Variants in SDK1 observed in about 807,000 individuals in gnomAD.
SDK1 encodes the protein protein sidekick-1.
Under a neutral mutation model 245.5 loss-of-function variants are expected in SDK1, and 157 were observed. The observed-to-expected ratio is 0.64, with a 90% CI of 0.56 to 0.73. SDK1 has a LOEUF of 0.73. Among genes scored for constraint, SDK1 ranks in the 30% least tolerant of loss-of-function variants. The pLI is 0.00. For missense variants in SDK1, 3,583 were observed against 3,002.3 expected (o/e 1.19, Z -4.52); for synonymous variants, 1,647 against 1,278.5 (o/e 1.29, Z -6.15).
intron 3 of SDK1, among the ~76,000 whole-genome samples, chr7:3,639,646 T>C (rs911312449): frequency 6.6e-5 from 10 of 152,184 alleles, no homozygotes; most frequent in African/African-American, 1.9e-4. Flanking sequence ...AAAGGAGATA[T>C]CAAGAATGCA....
At chr7:3,461,643 G>T (rs534549158) in intron 1 of SDK1, among the ~76,000 whole-genome samples, 10 of 152,152 alleles carry the variant, frequency 6.6e-5, no homozygotes, top group African/African-American at 2.2e-4. Context: ...TTCCTTTTCA[G>T]ATCAAAACTT....
intron 1 of SDK1, among the ~76,000 whole-genome samples, chr7:3,531,967 A>G (rs1783362322): frequency 6.6e-6 from 1 of 152,228 alleles, no homozygotes; most frequent in South Asian, 2.1e-4. Flanking sequence ...ATTTTCCAGA[A>G]TAAGATGGAA....
At chr7:3,892,000 A>C (rs1188970359) in intron 5 of SDK1, among the ~76,000 whole-genome samples, 1 of 152,054 alleles carries the variant, frequency 6.6e-6, no homozygotes, top group African/African-American at 2.4e-5. Flanking sequence ...AAACAAGTTT[A>C]GTTAGGCCAA....
intron 1 of SDK1, among the ~76,000 whole-genome samples, chr7:3,439,451 G>C (rs547739623): frequency 6.6e-6 from 1 of 152,060 alleles, no homozygotes; most frequent in African/African-American, 2.4e-5. Context: ...AGATTGTTTC[G>C]GGTTTGGTCA....
intron 1 of SDK1, among the ~76,000 whole-genome samples, chr7:3,332,157 G>T (rs1010390807): frequency 7.2e-5 from 11 of 152,098 alleles, no homozygotes; most frequent in African/African-American, 2.7e-4. Flanking sequence ...TGAGATGTTT[G>T]GAGATTTAAA....
intron 1 of SDK1, among the ~76,000 whole-genome samples, chr7:3,450,848 G>T (rs765146595): frequency 2.0e-5 from 3 of 152,150 alleles, no homozygotes; most frequent in Non-Finnish European, 4.4e-5. Context: ...TAAGATGTAG[G>T]CAAAGGATCA....
intron 1 of SDK1, among the ~76,000 whole-genome samples, chr7:3,613,450 C>T (rs1781668771): frequency 6.6e-6 from 1 of 152,186 alleles, no homozygotes; most frequent in Non-Finnish European, 1.5e-5. Flanking sequence ...TTCTCCACAA[C>T]CTCTCCAGCA....
intron 43 of SDK1, 80 bp downstream of exon 43, chr7:4,241,993 C>A: frequency 2.0e-6 from 3 of 1,514,434 alleles, no homozygotes; most frequent in Non-Finnish European, 2.7e-6. Flanking sequence ...CCCACTGGCA[C>A]CTCCTGCATC....
chr7:3,772,505 G>A (rs1360738362), intron 4 of SDK1, among the ~76,000 whole-genome samples: 1 of 152,096 alleles, frequency 6.6e-6, no homozygotes, highest in African/African-American at 2.4e-5. Context: ...ATCAAAATGT[G>A]GGGTTAAAAA....
chr7:4,148,400 T>C (rs1584294550), intron 29 of SDK1, among the ~76,000 whole-genome samples: 1 of 152,228 alleles, frequency 6.6e-6, no homozygotes, highest in South Asian at 2.1e-4. Context: ...CGGCAGATGA[T>C]GGGCACTCCA....
Position 4,129,935 on chromosome 7 carries a change from C to T in SDK1, c.3967C>T (p.Pro1323Ser). ...KILFRAKDLD[P>S]EPRSHIVRGN... ...CCTGTTCCGGGCCAAAGACCTGGAT[C>T]CCGAGCCCAGGAGCCACATCGTGCG... Residue 1323 changes from proline to serine, a missense_variant, in exon 27 of 45, where the codon CCC becomes TCC. Pro to Ser is a moderately conservative substitution (Grantham distance 74). Transcript: ENST00000404826. 1 of 1,613,726 alleles carries T rather than the reference C, an allele frequency of 6.2e-7. No homozygotes were observed. The highest frequency in any genetic ancestry group is 8.5e-7 in the Non-Finnish European group (1 of 1,179,918).
intron 5 of SDK1, among the ~76,000 whole-genome samples, chr7:3,851,731 T>C (rs1780424355): frequency 6.6e-6 from 1 of 152,222 alleles, no homozygotes; most frequent in South Asian, 2.1e-4. Flanking sequence ...TCCTCATAGG[T>C]AGAAATGAGG....
At chr7:3,990,815 G>T (rs1052896523) in intron 14 of SDK1, among the ~76,000 whole-genome samples, 1 of 152,184 alleles carries the variant, frequency 6.6e-6, no homozygotes, top group Admixed American at 6.5e-5. Flanking sequence ...ACCTTCCCCC[G>T]TTTCCATGAA....
chr7:4,171,696 A>G (rs1781846955), intron 32 of SDK1, among the ~76,000 whole-genome samples: 1 of 152,224 alleles, frequency 6.6e-6, no homozygotes, highest in Admixed American at 6.5e-5. Context: ...AAAAGCCAGC[A>G]GAAAAAAAGT....
At chr7:3,466,552 C>G (rs1187996660) in intron 1 of SDK1, among the ~76,000 whole-genome samples, 1 of 149,978 alleles carries the variant, frequency 6.7e-6, no homozygotes, top group African/African-American at 2.5e-5. Context: ...CTGCTTCTGG[C>G]AGGTTTACTC....
chr7:3,958,168 G>A, intron 7 of SDK1: 1 of 351,064 alleles, frequency 2.8e-6, no homozygotes, highest in South Asian at 2.2e-5. Context: ...TTATCGCACA[G>A]AAAGTGAACA....
intron 4 of SDK1, among the ~76,000 whole-genome samples, chr7:3,770,186 A>G (rs1024850105): frequency 6.6e-6 from 1 of 152,152 alleles, no homozygotes; most frequent in Non-Finnish European, 1.5e-5. Context: ...ATGTCATTTC[A>G]AGAATATTCT....
intron 1 of SDK1, among the ~76,000 whole-genome samples, chr7:3,342,402 G>T (rs187725845): frequency 6.6e-6 from 1 of 151,926 alleles, no homozygotes; most frequent in Non-Finnish European, 1.5e-5. Flanking sequence ...CAGCCTGACC[G>T]ACATGGAGAA....
chr7:3,582,348 CCCTCAGGTAGGTCTG>C (rs1780529245), intron 1 of SDK1, among the ~76,000 whole-genome samples: 1 of 142,354 alleles, frequency 7.0e-6, no homozygotes, highest in Non-Finnish European at 1.5e-5. Flanking sequence ...AGGTAGGTCT[CCCTCAGGTAGGTCTG>C]TCTCAGGTAG....
Sources: allele counts gnomAD v4.1 joint callset (sites outside exome capture counted in the v4.1 genomes callset), GRCh38; gene constraint gnomAD v4.1.1; transcripts MANE v1.5; gene names NCBI Gene and HGNC (gene_info 2026-07-23, HGNC 2026-07-21).